The following SAMSN1 variants were observed in gnomAD, a reference collection of about 807,000 sequenced individuals.
SAMSN1 encodes SAM domain-containing protein SAMSN-1.
Under a neutral mutation model 42.0 loss-of-function variants are expected in SAMSN1, and 31 were observed. That is an observed-to-expected ratio of 0.74 (90% confidence interval 0.55 to 1.00). The LOEUF (loss-of-function observed/expected upper bound fraction) is 1.00. Among genes scored for constraint, SAMSN1 ranks in the 50% least tolerant of loss-of-function variants. SAMSN1 has a pLI of 0.00. For synonymous variants in SAMSN1, 178 were observed against 151.9 expected (o/e 1.17, Z -1.26); for missense variants, 464 against 439.4 (o/e 1.06, Z -0.50).
At chr21:14,571,175 AT>A (rs1422737020) in intron 2 of SAMSN1, among the ~76,000 whole-genome samples, 20 of 152,172 alleles carry the variant, frequency 1.3e-4, no homozygotes, top group Non-Finnish European at 2.4e-4. Flanking sequence ...GATTAAATAT[AT>A]TTTTGTTTCT....
chr21:14,579,813 C>T (rs1981645199), intron 2 of SAMSN1, among the ~76,000 whole-genome samples: 1 of 151,890 alleles, frequency 6.6e-6, no homozygotes, highest in African/African-American at 2.4e-5. Flanking sequence ...GGACCCATTA[C>T]ATTATAGGAA....
At chr21:14,535,657 T>C (rs979776983) in intron 1 of SAMSN1, among the ~76,000 whole-genome samples, 3 of 152,166 alleles carry the variant, frequency 2.0e-5, no homozygotes, top group Non-Finnish European at 2.9e-5. Flanking sequence ...ACCTAATCCG[T>C]TCCTACTGGT....
intron 4 of SAMSN1, among the ~76,000 whole-genome samples, chr21:14,610,485 C>T (rs1030662499): frequency 6.6e-6 from 1 of 152,182 alleles, no homozygotes; most frequent in Non-Finnish European, 1.5e-5. Context: ...TTAACTTCTG[C>T]CTTGTGATCT....
At chr21:14,543,945 C>T (rs1980213400) in intron 1 of SAMSN1, among the ~76,000 whole-genome samples, 1 of 152,178 alleles carries the variant, frequency 6.6e-6, no homozygotes, top group African/African-American at 2.4e-5. Context: ...TGTTTCTAAA[C>T]ATAGACCCTT....
At chr21:14,546,112 A>C in intron 1 of SAMSN1, 93 bp downstream of exon 1, 1 of 1,109,636 alleles carries the variant, frequency 9.0e-7, no homozygotes, top group East Asian at 2.5e-5. Context: ...TATGACTGAC[A>C]GATGAGAACA....
chr21:14,583,421 T>G (rs1981819882), upstream of SAMSN1: 1 of 469,426 alleles, frequency 2.1e-6, no homozygotes, highest in Non-Finnish European at 3.8e-6. Flanking sequence ...TCTCTCTCAC[T>G]GTGTCTCGGA....
chr21:14,618,438 A>G (rs1405792039), intron 2 of SAMSN1, among the ~76,000 whole-genome samples: 2 of 152,194 alleles, frequency 1.3e-5, no homozygotes, highest in African/African-American at 4.8e-5. Flanking sequence ...GGTGTTGCCT[A>G]GTTGTAGATT....
At chr21:14,551,946 A>G (rs951024441) in intron 2 of SAMSN1, among the ~76,000 whole-genome samples, 3 of 152,116 alleles carry the variant, frequency 2.0e-5, no homozygotes, top group Non-Finnish European at 4.4e-5. Context: ...AATACCTGGC[A>G]TAAAATGGGA....
intron 1 of SAMSN1, among the ~76,000 whole-genome samples, chr21:14,654,443 A>G (rs1260016831): frequency 2.6e-5 from 4 of 152,216 alleles, no homozygotes; most frequent in East Asian, 1.9e-4. Flanking sequence ...TTTTAGACAT[A>G]TTAAGCTCCC....
upstream of SAMSN1, chr21:14,585,312 C>A (rs1379033358): frequency 4.6e-5 from 7 of 152,176 alleles, no homozygotes; most frequent in Admixed American, 2.6e-4. Context: ...CATTGCACAA[C>A]CATTTTTTCT....
At chr21:14,574,537 A>G (rs576203233) in intron 2 of SAMSN1, among the ~76,000 whole-genome samples, 2 of 152,272 alleles carry the variant, frequency 1.3e-5, no homozygotes, top group Admixed American at 1.3e-4. Flanking sequence ...TCACAGGACT[A>G]TTGTTTTCAC....
intron 2 of SAMSN1, among the ~76,000 whole-genome samples, chr21:14,581,344 C>CTTTTTTGTTTTTTTTT (rs1981715773): frequency 3.1e-5 from 1 of 32,588 alleles, no homozygotes; most frequent in Non-Finnish European, 5.6e-5. Context: ...AATAATATTT[C>CTTTTTTGTTTTTTTTT]TTTTTTTTTT....
At chr21:14,624,455 A>G (rs553536288) in intron 2 of SAMSN1, among the ~76,000 whole-genome samples, 1 of 152,360 alleles carries the variant, frequency 6.6e-6, no homozygotes, top group South Asian at 2.1e-4. Flanking sequence ...ATCATCACCA[A>G]TCCCACAGTA....
At chr21:14,639,492 T>C (rs1396996433) in intron 2 of SAMSN1, among the ~76,000 whole-genome samples, 1 of 152,224 alleles carries the variant, frequency 6.6e-6, no homozygotes, top group Admixed American at 6.5e-5. Flanking sequence ...TTAATCCATT[T>C]GTAAGATTAG....
intron 1 of SAMSN1, among the ~76,000 whole-genome samples, chr21:14,648,010 C>A (rs1012825992): frequency 6.7e-6 from 1 of 149,796 alleles, no homozygotes; most frequent in Admixed American, 6.7e-5. Context: ...CTGGCCAGAA[C>A]TTCCAACACT....
intron 1 of SAMSN1, among the ~76,000 whole-genome samples, chr21:14,657,695 T>A (rs1036131237): frequency 6.6e-6 from 1 of 151,828 alleles, no homozygotes; most frequent in Non-Finnish European, 1.5e-5. Flanking sequence ...TGAAATGGGA[T>A]TTCTGCCATC....
rs143363224 is a variant in SAMSN1, at chr21:14,644,501, C to T, written c.25-1368G>A. On this transcript the variant is annotated intron_variant, in intron 1 of 15. Transcript: ENST00000647101. ...CTGCTAACCGAAGAGCCCTTGGGCCCTGAATAGCCAGCAGTGATACCCAGG... is the reference window on the plus strand; with the variant it reads ...CTGCTAACCGAAGAGCCCTTGGGCCTTGAATAGCCAGCAGTGATACCCAGG... Among the ~76,000 whole-genome samples, 98 of 152,172 alleles carry T rather than the reference C, an allele frequency of 6.4e-4. 2 individuals are homozygous for T. The highest frequency in any genetic ancestry group is 6.0e-3 in the South Asian group (29 of 4,820).
intron 5 of SAMSN1, among the ~76,000 whole-genome samples, chr21:14,607,354 G>A (rs1421675912): frequency 6.6e-6 from 1 of 152,166 alleles, no homozygotes; most frequent in Non-Finnish European, 1.5e-5. Flanking sequence ...CCTTCCAAAT[G>A]AAACCACTAT....
chr21:14,554,177 G>T (rs567541913), intron 2 of SAMSN1, among the ~76,000 whole-genome samples: 1 of 151,922 alleles, frequency 6.6e-6, no homozygotes, highest in Admixed American at 6.6e-5. Context: ...ATAACATTCT[G>T]TTCTTAAGTT....
Sources: allele counts gnomAD v4.1 joint callset (sites outside exome capture counted in the v4.1 genomes callset), GRCh38; gene constraint gnomAD v4.1.1; transcripts MANE v1.5; gene names NCBI Gene and HGNC (gene_info 2026-07-23, HGNC 2026-07-21).